The following OGFOD1 variants were observed in gnomAD, a reference collection of about 807,000 sequenced individuals.
The protein encoded by OGFOD1 is 2-oxoglutarate and iron dependent oxygenase domain containing 1.
A neutral mutation model predicts 67.7 loss-of-function variants in OGFOD1; 54 were observed. That is an observed-to-expected ratio of 0.80 (90% confidence interval 0.64 to 1.00). The LOEUF is 1.00. Ranked by LOEUF, OGFOD1 falls within the 50% of genes least tolerant of loss-of-function variation. OGFOD1 has a pLI of 0.00. For synonymous variants in OGFOD1, 221 were observed against 227.0 expected (o/e 0.97, Z 0.24); for missense variants, 606 against 646.7 (o/e 0.94, Z 0.68).
intron 7 of OGFOD1, among the ~76,000 whole-genome samples, chr16:56,467,530 G>A (rs113472784): frequency 4.0e-5 from 6 of 151,024 alleles, no homozygotes; most frequent in African/African-American, 9.7e-5. Flanking sequence ...GGGTTCAAGC[G>A]ATTCTCCTGC....
intron 11 of OGFOD1, 22 bp downstream of exon 11, chr16:56,474,972 G>C: frequency 6.2e-7 from 1 of 1,611,716 alleles, no homozygotes; most frequent in Non-Finnish European, 8.5e-7. Context: ...GAAAGCAAGC[G>C]GTGGATTATT....
chr16:56,452,602 G>T (rs112625745), intron 1 of OGFOD1, among the ~76,000 whole-genome samples: 32 of 152,310 alleles, frequency 2.1e-4, no homozygotes, highest in African/African-American at 7.7e-4. Flanking sequence ...TAGTGTTTAA[G>T]TGCAGGCTCT....
At chr16:56,463,938 A>C (rs1205810811) in intron 4 of OGFOD1, among the ~76,000 whole-genome samples, 1 of 152,170 alleles carries the variant, frequency 6.6e-6, no homozygotes, top group African/African-American at 2.4e-5. Flanking sequence ...CTTATTCCAC[A>C]TCAATGGATT....
chr16:56,466,790 C>T lies in OGFOD1; in HGVS notation c.566-86C>T, dbSNP rs770585605. Reference sequence around the variant, plus strand: ...TCTGAAGGGCACATCTAGATGCCCTCAGAAGTTTGGAAATTGTCAAGAGTA... The same window carrying T: ...TCTGAAGGGCACATCTAGATGCCCTTAGAAGTTTGGAAATTGTCAAGAGTA... On this transcript the variant is annotated intron_variant, in intron 5 of 12. Coordinates refer to ENST00000566157, the MANE Select transcript of OGFOD1 (RefSeq NM_018233.4). 616 of 985,860 alleles carry T rather than the reference C, an allele frequency of 6.2e-4. 1 individual carries two copies. The highest frequency in any genetic ancestry group is 8.9e-4 in the Non-Finnish European group (550 of 621,252). The allele number at this position is 985,860 out of a possible 1,614,324, so 61.1% of individuals were successfully genotyped here. A position where few individuals can be genotyped will look rare whatever the true frequency, so the allele number is the denominator to read the frequency against.
chr16:56,471,783 G>A (rs1160274813), intron 10 of OGFOD1, among the ~76,000 whole-genome samples: 1 of 152,228 alleles, frequency 6.6e-6, no homozygotes, highest in African/African-American at 2.4e-5. Context: ...AGTAAAACCA[G>A]ACCCAGGTGG....
intron 4 of OGFOD1, 153 bp from the exon 5 acceptor site, chr16:56,465,997 AAG>A: frequency 3.5e-6 from 2 of 575,890 alleles, no homozygotes; most frequent in Middle Eastern, 4.8e-4. Context: ...TTACTTATAA[AAG>A]AGGAGAAATA....
At position 56,458,564 on chromosome 16, in the gene OGFOD1, A is replaced by C; in HGVS notation, c.317A>C (p.Lys106Thr). 6.2e-7 allele frequency: 1 copy of C among 1,613,720 alleles called. No homozygotes were observed. Among genetic ancestry groups the C allele is most frequent in the South Asian group, 1.1e-5 (1 of 91,064 alleles). ...YKFQQSDDLK[K>T]RREPHISTLR... The stretch of plus-strand genomic sequence containing the variant: ...ATGATCAAGTCTGATGATTTGAAGA[A>C]GAGAAGAGAGCCTCACATCTCCACT... Residue 106 changes from lysine to threonine, a missense_variant, in exon 3 of 13, where the codon AAG becomes ACG. Lys to Thr is a moderately conservative substitution (Grantham distance 78, BLOSUM62 -1). Transcript: ENST00000566157.
intron 10 of OGFOD1, among the ~76,000 whole-genome samples, chr16:56,474,444 C>T (rs755448907): frequency 1.8e-4 from 28 of 151,566 alleles, no homozygotes; most frequent in Non-Finnish European, 3.2e-4. Context: ...CCTTAAGCCT[C>T]CCGGGTAGCT....
chr16:56,454,185 T>C (rs1193496569), intron 2 of OGFOD1, among the ~76,000 whole-genome samples: 1 of 152,094 alleles, frequency 6.6e-6, no homozygotes, highest in Non-Finnish European at 1.5e-5. Flanking sequence ...CCGTCTCTAC[T>C]AAAAATATAA....
chr16:56,460,639 G>A (rs1218869415), intron 3 of OGFOD1, among the ~76,000 whole-genome samples: 1 of 152,146 alleles, frequency 6.6e-6, no homozygotes, highest in African/African-American at 2.4e-5. Context: ...GTTCGCAGCT[G>A]ATAATGGAAT....
intron 9 of OGFOD1, 42 bp from the exon 10 acceptor site, chr16:56,470,445 A>G (rs991360327): frequency 2.6e-6 from 4 of 1,531,710 alleles, no homozygotes; most frequent in Admixed American, 1.9e-5. Context: ...GTCATTTTAC[A>G]TCTGTGGCTT....
chr16:56,451,958 C>T (rs988835219), intron 1 of OGFOD1, among the ~76,000 whole-genome samples, 192 bp downstream of exon 1: 2 of 152,104 alleles, frequency 1.3e-5, no homozygotes, highest in Non-Finnish European at 2.9e-5. Flanking sequence ...AATTTAGAAA[C>T]GTGAGAAGAG....
chr16:56,468,083 G>C, intron 8 of OGFOD1, 65 bp downstream of exon 8: 1 of 792,918 alleles, frequency 1.3e-6, no homozygotes, highest in East Asian at 2.5e-5. Context: ...CCAAATGGGT[G>C]AATAGGCATC....
intron 10 of OGFOD1, among the ~76,000 whole-genome samples, chr16:56,471,943 T>G (rs147652730): frequency 6.7e-6 from 1 of 150,278 alleles, no homozygotes; most frequent in Non-Finnish European, 1.5e-5. Flanking sequence ...TTTAAAAAAC[T>G]TATCCACTTC....
chr16:56,462,698 G>A (rs1488148976), intron 4 of OGFOD1, 64 bp downstream of exon 4: 2 of 952,752 alleles, frequency 2.1e-6, no homozygotes, highest in Non-Finnish European at 1.7e-6. Flanking sequence ...TTAATGGAGA[G>A]ATGGTATCTG....
rs530931007 is a variant in OGFOD1 at position 56,456,133 on chromosome 16, TC to T, written c.301-2413del. Among the ~76,000 whole-genome samples the T allele has an allele frequency of 7.2e-3, 1,099 of 152,314 alleles. 7 individuals carry two copies. The highest frequency in any genetic ancestry group is 0.011 in the Non-Finnish European group (755 of 68,016). On this transcript the variant is annotated intron_variant, in intron 2 of 12. Transcript: ENST00000566157. ...AATCTGATAATCAGTTTTCAGTTCT[TC>T]CTTGTCTCATCAGCAGCATTTGACC...
At chr16:56,473,087 C>T (rs1257679053) in intron 10 of OGFOD1, among the ~76,000 whole-genome samples, 2 of 152,122 alleles carry the variant, frequency 1.3e-5, no homozygotes, top group Non-Finnish European at 2.9e-5. Flanking sequence ...CATGCCACCA[C>T]GCCCGGCTAA....
intron 2 of OGFOD1, 102 bp from the exon 3 acceptor site, chr16:56,458,446 C>T (rs1962600366): frequency 1.9e-6 from 2 of 1,054,254 alleles, no homozygotes; most frequent in Non-Finnish European, 1.5e-6. Flanking sequence ...AGTCTGGGCT[C>T]TTAATGACAA....
rs370366314 is a variant in OGFOD1, at chr16:56,466,838, T to C, written c.566-38T>C. The stretch of plus-strand genomic sequence containing the variant: ...GTAAAATGAGGCAGGCTGGAAGTGG[T>C]TAATGATAATTTATTGATGTGTTCT... On this transcript the variant is annotated intron_variant, in intron 5 of 12. Transcript: ENST00000566157. 14 of 1,463,622 alleles carry C rather than the reference T, an allele frequency of 9.6e-6. No homozygotes were observed. In the African/African-American group the frequency reaches 1.9e-4, roughly 20 times the overall value. The allele number at this position is 1,463,622 out of a possible 1,614,324, so 90.7% of individuals were successfully genotyped here.
Sources: allele counts gnomAD v4.1 joint callset (sites outside exome capture counted in the v4.1 genomes callset), GRCh38; gene constraint gnomAD v4.1.1; transcripts MANE v1.5; gene names NCBI Gene and HGNC (gene_info 2026-07-23, HGNC 2026-07-21).